The following KIRREL3 variants were observed in gnomAD, a reference collection of about 807,000 sequenced individuals.
The protein encoded by KIRREL3 is kin of IRRE-like protein 3.
In KIRREL3, 36 loss-of-function variants were observed where a neutral mutation model predicts 89.7. That is an observed-to-expected ratio of 0.40 (90% CI 0.31 to 0.53). The LOEUF is 0.53. Ranked by LOEUF, KIRREL3 falls within the 20% of genes least tolerant of loss-of-function variation. KIRREL3 has a pLI of 0.49. For synonymous variants in KIRREL3, 445 were observed against 441.4 expected (o/e 1.01, Z -0.10); for missense variants, 864 against 1,056.6 (o/e 0.82, Z 2.53).
rs201214323 is a variant in KIRREL3, at chr11:126,552,550, G to GTATTT, written c.133+10284_133+10285insAAATA. Among the ~76,000 whole-genome samples the GTATTT allele has an allele frequency of 4.7e-3, 387 of 81,750 alleles. 20 individuals are homozygous for GTATTT. The highest frequency in any genetic ancestry group is 0.016 in the African/African-American group (368 of 23,476). 53.6% of individuals were successfully genotyped at this position (81,750 alleles called of 152,430 possible). A position where few individuals can be genotyped will look rare whatever the true frequency, so the allele number is the denominator to read the frequency against. The stretch of plus-strand genomic sequence containing the variant: ...TGCATCACACAGGGGAGAGAGAAAA[G>GTATTT]TTTTTTTTTTTTTTTTTTTTTTTTT... On this transcript the variant is annotated intron_variant, in intron 2 of 16. Coordinates refer to ENST00000525144, the MANE Select transcript of KIRREL3 (RefSeq NM_032531.4).
At chr11:126,650,099 T>A (rs1375111776) in intron 1 of KIRREL3, among the ~76,000 whole-genome samples, 5 of 152,214 alleles carry the variant, frequency 3.3e-5, no homozygotes, top group Admixed American at 6.5e-5. Flanking sequence ...CAGCCATGGC[T>A]GTAGCGGCTG....
At position 126,598,525 on chromosome 11, in the gene KIRREL3, C is replaced by T. The variant is rs563916929; in HGVS notation, c.56-35613G>A. ...CCTTTCCTCTTGTTTCTTCTTCCTG[C>T]CTGAAATGTGGGGCTGATGACTGGA... is the stretch of plus-strand genomic sequence containing the variant. On this transcript the variant is annotated intron_variant, in intron 1 of 16. Transcript: ENST00000525144. 4.6e-5 allele frequency among the ~76,000 whole-genome samples: 7 copies of T among 152,256 alleles called. No individual in the cohort carries two copies. In the South Asian group the frequency reaches 1.2e-3, roughly 27 times the overall value.
rs1291170771 is a variant in KIRREL3, at chr11:126,475,538, A to G, written c.434-2072T>C. Among the ~76,000 whole-genome samples the G allele has an allele frequency of 6.6e-6, 1 of 152,046 alleles. No individual in the cohort carries two copies. Among genetic ancestry groups the G allele is most frequent in the Non-Finnish European group, 1.5e-5 (1 of 67,988 alleles). On this transcript the variant is annotated intron_variant, in intron 4 of 16. Coordinates refer to ENST00000525144, the MANE Select transcript of KIRREL3 (RefSeq NM_032531.4). The surrounding 1 kb of genome is among the most constrained non-coding windows in gnomAD (Gnocchi z 7.5). ...CTCCCAGGGCTTCCGAGAAGCCATC[A>G]CTGACCCCAGGGGCAGCGAGCCCCG...
intron 11 of KIRREL3, 62 bp downstream of exon 11, chr11:126,440,387 T>C: frequency 6.9e-7 from 1 of 1,458,158 alleles, no homozygotes; most frequent in Non-Finnish European, 9.4e-7. Context: ...CACCCAGGTA[T>C]TGGCAAAAGT....
intron 1 of KIRREL3, among the ~76,000 whole-genome samples, chr11:126,633,017 G>A (rs1019039819): frequency 6.6e-6 from 1 of 151,966 alleles, no homozygotes; most frequent in African/African-American, 2.4e-5. Flanking sequence ...ACTTGAACCT[G>A]GGAGGCAGAG....
At position 126,830,447 on chromosome 11, in the gene KIRREL3, C is replaced by T. The variant is rs906869426; in HGVS notation, c.55+170008G>A. On this transcript the variant is annotated intron_variant, in intron 1 of 16. Transcript: ENST00000525144. The surrounding 1 kb of genome is among the most constrained non-coding windows in gnomAD (Gnocchi z 4.9). ...TTGAGAAATGCCATTATCCCATGCA[C>T]GCTACAATAAATAGCATTAACATTT... Among the ~76,000 whole-genome samples, 14 of 152,188 alleles carry T rather than the reference C, an allele frequency of 9.2e-5. No homozygotes were observed. Among genetic ancestry groups the T allele is most frequent in the South Asian group, 2.1e-4 (1 of 4,828 alleles).
chr11:126,603,293 C>A (rs1327052065), intron 1 of KIRREL3, among the ~76,000 whole-genome samples: 2 of 152,230 alleles, frequency 1.3e-5, no homozygotes, highest in Non-Finnish European at 2.9e-5. Context: ...TCGGTGCCCT[C>A]CTGGCATCAT....
rs951374626 is a variant in KIRREL3, at chr11:126,922,133, A to G, written c.55+78322T>C. On this transcript the variant is annotated intron_variant, in intron 1 of 16. Coordinates refer to ENST00000525144, the MANE Select transcript of KIRREL3 (RefSeq NM_032531.4). ...TATCTATCTGTCTGTCTATCTATCT[A>G]TCTATCTATCTATCTATCTATCTAT... Among the ~76,000 whole-genome samples, 797 of 139,426 alleles carry G rather than the reference A, an allele frequency of 5.7e-3. 9 individuals carry two copies. Among genetic ancestry groups the G allele is most frequent in the African/African-American group, 0.011 (452 of 39,586 alleles). The allele number at this position is 139,426 out of a possible 152,430, so 91.5% of individuals were successfully genotyped here.
chr11:126,681,789 A>G (rs901472982), intron 1 of KIRREL3: 2 of 421,954 alleles, frequency 4.7e-6, no homozygotes. Flanking sequence ...TCAGGGTTCT[A>G]TGAGGCTGAA....
intron 1 of KIRREL3, among the ~76,000 whole-genome samples, chr11:126,942,793 G>T (rs1026807421): frequency 7.4e-4 from 112 of 152,320 alleles, no homozygotes; most frequent in African/African-American, 2.5e-3. Context: ...GAGCCCTGGA[G>T]CTTGCCGGGG....
At chr11:126,849,510 C>T (rs2134556863) in intron 1 of KIRREL3, among the ~76,000 whole-genome samples, 1 of 152,282 alleles carries the variant, frequency 6.6e-6, no homozygotes, top group African/African-American at 2.4e-5. Context: ...AGGCCCCTTT[C>T]CAGTAACAGG....
chr11:126,424,349 C>G lies in KIRREL3; in HGVS notation c.*231G>C, dbSNP rs1403192533. 1 of 560,992 alleles carries G rather than the reference C, an allele frequency of 1.8e-6. No homozygotes were observed. The highest frequency in any genetic ancestry group is 3.2e-6 in the Non-Finnish European group (1 of 312,288). The allele number at this position is 560,992 out of a possible 1,614,324, so 34.8% of individuals were successfully genotyped here. A position where few individuals can be genotyped will look rare whatever the true frequency, so the allele number is the denominator to read the frequency against. ...TGTCCAGCACTAAGCACAGCGCACT[C>G]AGCCGCAGCCTCTGTCTGTCTCCCC... is the stretch of plus-strand genomic sequence containing the variant. On this transcript the variant is annotated 3_prime_UTR_variant, in exon 17 of 17. Coordinates refer to ENST00000525144, the MANE Select transcript of KIRREL3 (RefSeq NM_032531.4).
chr11:126,672,847 T>C (rs1003095688), intron 1 of KIRREL3, among the ~76,000 whole-genome samples: 2 of 152,246 alleles, frequency 1.3e-5, no homozygotes, highest in Non-Finnish European at 2.9e-5. Flanking sequence ...ATCTAGTTAA[T>C]TAACCAACCA....
chr11:126,875,473 C>A (rs1006714139), intron 1 of KIRREL3, among the ~76,000 whole-genome samples: 26 of 152,176 alleles, frequency 1.7e-4, no homozygotes, highest in African/African-American at 5.6e-4. Context: ...CTTGGAAATG[C>A]AATGCAGCTA....
chr11:126,670,371 G>T (rs530576184), intron 1 of KIRREL3, among the ~76,000 whole-genome samples: 1 of 152,174 alleles, frequency 6.6e-6, no homozygotes, highest in African/African-American at 2.4e-5. Context: ...GAGACTGAAT[G>T]CTTTTGTCCT....
Position 126,696,682 on chromosome 11 carries a change from GC to G in KIRREL3, c.56-133771del, listed in dbSNP as rs1212215739. On this transcript the variant is annotated intron_variant, in intron 1 of 16. Coordinates refer to ENST00000525144, the MANE Select transcript of KIRREL3 (RefSeq NM_032531.4). The surrounding 1 kb of genome is among the most constrained non-coding windows in gnomAD (Gnocchi z 4.4). ...CAAACCACATCGCATGGCTCATAAG[GC>G]CCTTGGCGAGTTGACATCAGGCTCC... Among the ~76,000 whole-genome samples the G allele has an allele frequency of 2.5e-4, 38 of 152,104 alleles. No individual in the cohort carries two copies. The highest frequency in any genetic ancestry group is 1.0e-4 in the Non-Finnish European group (7 of 68,032).
At chr11:126,777,627 C>T (rs1028636873) in intron 1 of KIRREL3, among the ~76,000 whole-genome samples, 5 of 152,312 alleles carry the variant, frequency 3.3e-5, no homozygotes, top group African/African-American at 1.2e-4. Context: ...GAACTAGCAG[C>T]CCAAAGCAAG....
chr11:126,571,768 G>A lies in KIRREL3; in HGVS notation c.56-8856C>T, dbSNP rs61110953. On this transcript the variant is annotated intron_variant, in intron 1 of 16. Coordinates refer to ENST00000525144, the MANE Select transcript of KIRREL3 (RefSeq NM_032531.4). The surrounding 1 kb of genome is among the most constrained non-coding windows in gnomAD (Gnocchi z 7.7). ...ATCCGTTTGTGAGAGGGGTGGGGCG[G>A]GGGGATGTTAAATAATGTTGGTTAA... Among the ~76,000 whole-genome samples the A allele has an allele frequency of 0.069, 10,448 of 152,150 alleles. 1,184 individuals are homozygous for A. Among genetic ancestry groups the A allele is most frequent in the African/African-American group, 0.24 (9,939 of 41,484 alleles).
At chr11:126,674,836 G>A (rs983843016) in intron 1 of KIRREL3, among the ~76,000 whole-genome samples, 1 of 152,030 alleles carries the variant, frequency 6.6e-6, no homozygotes, top group Non-Finnish European at 1.5e-5. Flanking sequence ...CTCAGCCTGG[G>A]CCAGCCATAA....
Sources: allele counts gnomAD v4.1 joint callset (sites outside exome capture counted in the v4.1 genomes callset), GRCh38; gene constraint gnomAD v4.1.1; non-coding constraint Gnocchi (gnomAD v3.1); transcripts MANE v1.5; gene names NCBI Gene and HGNC (gene_info 2026-07-23, HGNC 2026-07-21).